FBN3: variants seen among roughly 807,000 people sequenced by gnomAD.
FBN3 encodes the protein fibrillin-3.
A neutral mutation model predicts 330.1 loss-of-function variants in FBN3; 234 were observed. The ratio of observed to expected loss-of-function variants is 0.71; its 90% CI spans 0.64 to 0.79. The LOEUF (loss-of-function observed/expected upper bound fraction) is 0.79. Ranked by LOEUF, FBN3 falls within the 30% of genes least tolerant of loss-of-function variation. FBN3 has a pLI of 0.00. For synonymous variants in FBN3, 1,458 were observed against 1,517.3 expected, an observed-to-expected ratio of 0.96 and a Z score of 0.91; for missense variants, 3,606 against 3,886.9, an observed-to-expected ratio of 0.93 and a Z score of 1.92.
chr19:8,073,263 G>A lies in FBN3; in HGVS notation c.7737C>T (p.Cys2579=), dbSNP rs767651414. ...ENECALSPPT[C]GSASCRNTLG... Reference sequence around the variant, plus strand: ...GAGTGTTGCGACAGGAGGCGCTCCCGCAGGTGGGGGGCGACAGGGCACACT... The same window carrying A: ...GAGTGTTGCGACAGGAGGCGCTCCCACAGGTGGGGGGCGACAGGGCACACT... Residue 2579 remains cysteine (C), a synonymous_variant, in exon 62 of 64, where the codon TGC becomes TGT. Transcript: ENST00000600128. The A allele has an allele frequency of 3.2e-5, 52 of 1,613,852 alleles. No homozygotes were observed. The highest frequency in any genetic ancestry group is 5.5e-5 in the South Asian group (5 of 91,068).
chr19:8,139,657 C>T (rs903405825), intron 8 of FBN3, among the ~76,000 whole-genome samples: 3 of 151,870 alleles, frequency 2.0e-5, no homozygotes, highest in African/African-American at 4.8e-5. Context: ...CGGCTACAGC[C>T]CCCGGGGTGA....
chr19:8,117,131 T>G, intron 28 of FBN3, 38 bp downstream of exon 28: 1 of 1,612,116 alleles, frequency 6.2e-7, no homozygotes, highest in South Asian at 1.1e-5. Context: ...CTCCTCACCC[T>G]CCACACCAGG....
At position 8,117,195 on chromosome 19, in the gene FBN3, A is replaced by G. The variant is rs1327350790; in HGVS notation, c.3560T>C (p.Leu1187Pro). The G allele has an allele frequency of 1.2e-6, 2 of 1,613,994 alleles. No individual in the cohort carries two copies. The highest frequency in any genetic ancestry group is 2.2e-5 in the South Asian group (2 of 91,086). The part of the protein sequence containing the change: ...YRCSCGQGYS[L>P]MPDGRACADV... The stretch of plus-strand genomic sequence containing the variant: ...TGCACATGCCCTTCCGTCGGGCATC[A>G]GCGAGTAGCCCTGCCCACAGCTGCA... The change falls in exon 28 of 64, where the codon CTG becomes CCG. Residue 1187 changes from leucine (L) to proline (P), a missense_variant. Leu to Pro is a moderately conservative substitution (Grantham distance 98, BLOSUM62 -3). Transcript: ENST00000600128.
intron 25 of FBN3, among the ~76,000 whole-genome samples, chr19:8,119,466 C>T (rs2082786434): frequency 6.6e-6 from 1 of 152,164 alleles, no homozygotes; most frequent in Non-Finnish European, 1.5e-5. Context: ...TGCTGTTCTC[C>T]AGTGTCTTCA....
intron 56 of FBN3, among the ~76,000 whole-genome samples, chr19:8,084,511 G>A (rs1044624753): frequency 6.6e-6 from 1 of 151,902 alleles, no homozygotes; most frequent in African/African-American, 2.4e-5. Context: ...ATCTTTACTG[G>A]CCATGGGAGA....
chr19:8,075,480 A>T, intron 59 of FBN3, 69 bp from the exon 60 acceptor site: 1 of 1,528,542 alleles, frequency 6.5e-7, no homozygotes, highest in Non-Finnish European at 8.9e-7. Flanking sequence ...ACACAATGCC[A>T]GTCCCACCAC....
intron 13 of FBN3, 25 bp downstream of exon 13, chr19:8,135,936 G>GCGC: frequency 2.4e-5 from 16 of 668,778 alleles, no homozygotes; most frequent in South Asian, 6.5e-5. Flanking sequence ...GGAAGCCCCT[G>GCGC]CCCACCCGCC....
chr19:8,147,750 G>C (rs2145079553), intron 1 of FBN3: 1 of 366,492 alleles, frequency 2.7e-6, no homozygotes, highest in East Asian at 4.2e-5. Flanking sequence ...GGAAGTGGAA[G>C]GGAGGGGAGA....
Position 8,129,186 on chromosome 19 carries a change from G to A in FBN3, c.2171-33C>T, listed in dbSNP as rs1323409048. On this transcript the variant is annotated intron_variant, in intron 17 of 63. Transcript: ENST00000600128. The surrounding 1 kb of genome is among the most constrained non-coding windows in gnomAD (Gnocchi z 4.5). Reference sequence around the variant, plus strand: ...GTGGGGGTGGGAGAGAGGGGTGAGGGGTCTGCAGTGGGAGAGGCTGCCCAC... The same window carrying A: ...GTGGGGGTGGGAGAGAGGGGTGAGGAGTCTGCAGTGGGAGAGGCTGCCCAC... The A allele has an allele frequency of 2.5e-6, 4 of 1,611,894 alleles. No individual in the cohort carries two copies. In the Admixed American group the frequency reaches 6.7e-5, roughly 27 times the overall value.
chr19:8,110,814 C>T (rs760674515), intron 34 of FBN3, 31 bp downstream of exon 34: 1 of 1,613,994 alleles, frequency 6.2e-7, no homozygotes, highest in East Asian at 2.2e-5. Context: ...CTGCTCTCTC[C>T]TCTCCCCTTC....
chr19:8,067,654 C>T (rs2081422290), intron 63 of FBN3, among the ~76,000 whole-genome samples: 1 of 152,086 alleles, frequency 6.6e-6, no homozygotes, highest in African/African-American at 2.4e-5. Context: ...TTATTAGGCA[C>T]CTACTGAATT....
chr19:8,108,373 A>C (rs889858170), intron 36 of FBN3, 135 bp from the exon 37 acceptor site: 1 of 654,046 alleles, frequency 1.5e-6, no homozygotes. Context: ...CGACATCCCC[A>C]TATCTCTTTA....
At position 8,116,776 on chromosome 19, in the gene FBN3, G is replaced by T; in HGVS notation, c.3610C>A (p.Pro1204Thr). 6.2e-7 allele frequency: 1 copy of T among 1,614,048 alleles called. No homozygotes were observed. Among genetic ancestry groups the T allele is most frequent in the South Asian group, 1.1e-5 (1 of 91,078 alleles). Residue 1204 changes from proline to threonine, a missense_variant, in exon 29 of 64, where the codon CCC (proline) becomes ACC (threonine). Physicochemically the swap from Pro to Thr is conservative, Grantham distance 38. Transcript: ENST00000600128. ...CAGTGGCCTTGGTCACAAACGCGGG[G>T]GTTCTCTTCACACTCGTCCACGTCT... ...CADVDECEEN[P>T]RVCDQGHCTN...
At chr19:8,135,936 G>GGGGCCC in intron 13 of FBN3, 25 bp downstream of exon 13, 3 of 668,774 alleles carry the variant, frequency 4.5e-6, no homozygotes, top group Non-Finnish European at 2.4e-6. Context: ...GGAAGCCCCT[G>GGGGCCC]CCCACCCGCC....
intron 29 of FBN3, among the ~76,000 whole-genome samples, chr19:8,116,158 G>A (rs975095348): frequency 2.0e-4 from 30 of 152,114 alleles, no homozygotes; most frequent in African/African-American, 2.7e-4. Flanking sequence ...GTTACTTCCC[G>A]GAACTTCCAC....
At chr19:8,141,871 G>A (rs202038911) in intron 7 of FBN3, 29 bp from the exon 8 acceptor site, 28 of 1,612,940 alleles carry the variant, frequency 1.7e-5, no homozygotes, top group Non-Finnish European at 2.4e-5. Context: ...GCAGGGGAGT[G>A]AGAGGCCCAT....
In FBN3 at chr19:8,083,365, A is replaced by T. The variant is rs1394757709; in HGVS notation, c.7095T>A (p.Asp2365Glu). The change falls in exon 57 of 64, where the codon GAT becomes GAA. Residue 2365 changes from aspartate (D) to glutamate (E), a missense_variant. Asp to Glu is a conservative substitution (Grantham distance 45). Coordinates refer to ENST00000600128, the MANE Select transcript of FBN3 (RefSeq NM_032447.5). ...ACAGGTGAGCAAGCATACGGCATTC[A>T]TCTACATCTGGGAAAAAGTAGGGTG... ...SGYTAEGRDV[D>E]ECRMLAHLCA... 6.2e-7 allele frequency: 1 copy of T among 1,613,998 alleles called. No individual in the cohort carries two copies. The highest frequency in any genetic ancestry group is 1.1e-5 in the South Asian group (1 of 91,088).
At chr19:8,103,173 A>G (rs1232997856) in intron 39 of FBN3, among the ~76,000 whole-genome samples, 1 of 150,802 alleles carries the variant, frequency 6.6e-6, no homozygotes, top group Non-Finnish European at 1.5e-5. Context: ...AGGCTGAGGC[A>G]GGAGAATCGC....
At chr19:8,068,736 TA>T (rs1053546707) in intron 63 of FBN3, among the ~76,000 whole-genome samples, 5 of 151,298 alleles carry the variant, frequency 3.3e-5, no homozygotes, top group Non-Finnish European at 7.4e-5. Context: ...AATAAATCAA[TA>T]AAAAAATAAA....
Sources: allele counts gnomAD v4.1 joint callset (sites outside exome capture counted in the v4.1 genomes callset), GRCh38; gene constraint gnomAD v4.1.1; non-coding constraint Gnocchi (gnomAD v3.1); transcripts MANE v1.5; gene names NCBI Gene and HGNC (gene_info 2026-07-23, HGNC 2026-07-21).